Variants in USP3 observed in about 807,000 individuals in gnomAD.
USP3 encodes ubiquitin carboxyl-terminal hydrolase 3.
Under a neutral mutation model 72.3 loss-of-function variants are expected in USP3, and 20 were observed. That is an observed-to-expected ratio of 0.28 (90% confidence interval 0.19 to 0.40). The LOEUF is 0.40. USP3 is among the 10% of genes least tolerant of loss of function. The pLI, the probability that USP3 is intolerant of heterozygous loss-of-function variation, is 1.00. For missense variants in USP3, 479 were observed against 633.9 expected (o/e 0.76, Z 2.62); for synonymous variants, 222 against 225.3 (o/e 0.99, Z 0.13).
chr15:63,538,549 C>T (rs374345739), intron 3 of USP3, among the ~76,000 whole-genome samples: 104 of 137,170 alleles, frequency 7.6e-4, no homozygotes, highest in African/African-American at 2.7e-3. Context: ...AGGTCTTTTA[C>T]TTTTTTTTTT....
At chr15:63,586,647 T>C (rs1207427870) in intron 11 of USP3, 1 of 152,256 alleles carries the variant, frequency 6.6e-6, no homozygotes, top group Admixed American at 6.5e-5. Flanking sequence ...AGCATCACTC[T>C]ATTTGCAAGT....
At chr15:63,579,849 T>C (rs539191085) in intron 11 of USP3, among the ~76,000 whole-genome samples, 6 of 152,298 alleles carry the variant, frequency 3.9e-5, no homozygotes, top group Non-Finnish European at 8.8e-5. Flanking sequence ...TCCTCACTTA[T>C]ATTCAAGAAA....
At position 63,553,507 on chromosome 15, in the gene USP3, A is replaced by C. The variant is rs1445605531; in HGVS notation, c.285-208A>C. ...GCTTTTGAGTAAAAAACGTGAAAAG[A>C]AGCTCATGTTCATTGCCTACGTGGC... On this transcript the variant is annotated intron_variant, in intron 3 of 14. Transcript: ENST00000380324. The surrounding 1 kb of genome is among the most constrained non-coding windows in gnomAD (Gnocchi z 4.2). 1 of 393,880 alleles carries C rather than the reference A, an allele frequency of 2.5e-6. No homozygotes were observed. Among genetic ancestry groups the C allele is most frequent in the African/African-American group, 2.1e-5 (1 of 48,132 alleles). The allele number at this position is 393,880 out of a possible 1,614,324, so 24.4% of individuals were successfully genotyped here.
At chr15:63,564,532 CA>C (rs1234965940) in intron 8 of USP3, among the ~76,000 whole-genome samples, 1 of 152,194 alleles carries the variant, frequency 6.6e-6, no homozygotes, top group African/African-American at 2.4e-5. Flanking sequence ...ATATTTTATA[CA>C]GTAGAAATCT....
chr15:63,509,976 TG>T (rs970859751), intron 1 of USP3, among the ~76,000 whole-genome samples: 1 of 152,184 alleles, frequency 6.6e-6, no homozygotes, highest in African/African-American at 2.4e-5. Context: ...ATGATGGAGT[TG>T]GGGGAAGAAT....
At chr15:63,561,395 G>A (rs754442645) in intron 7 of USP3, among the ~76,000 whole-genome samples, 1 of 152,148 alleles carries the variant, frequency 6.6e-6, no homozygotes, top group Admixed American at 6.5e-5. Flanking sequence ...TCTGGAGTCC[G>A]AGGCAGCAGC....
intron 11 of USP3, among the ~76,000 whole-genome samples, chr15:63,581,754 G>C (rs2066968054): frequency 6.6e-6 from 1 of 151,438 alleles, no homozygotes; most frequent in East Asian, 1.9e-4. Context: ...GAGTGCAGTG[G>C]TGGGATCATG....
At chr15:63,549,893 C>A (rs549826488) in intron 3 of USP3, among the ~76,000 whole-genome samples, 1 of 152,168 alleles carries the variant, frequency 6.6e-6, no homozygotes, top group Non-Finnish European at 1.5e-5. Flanking sequence ...AAAACTCTTC[C>A]TTGACTCAAG....
At chr15:63,522,081 G>T (rs1281533858) in intron 1 of USP3, among the ~76,000 whole-genome samples, 2 of 152,138 alleles carry the variant, frequency 1.3e-5, no homozygotes, top group East Asian at 3.9e-4. Context: ...TCACTATATT[G>T]CCCAGGCTGA....
At chr15:63,515,026 T>C (rs2065833027) in intron 1 of USP3, among the ~76,000 whole-genome samples, 1 of 152,208 alleles carries the variant, frequency 6.6e-6, no homozygotes, top group Non-Finnish European at 1.5e-5. Flanking sequence ...CAATTTGAGC[T>C]CCTAATAATT....
chr15:63,547,232 G>C (rs2152666726), intron 3 of USP3, among the ~76,000 whole-genome samples: 1 of 152,192 alleles, frequency 6.6e-6, no homozygotes, highest in South Asian at 2.1e-4. Flanking sequence ...AAGAATAGCG[G>C]TAACAACAAT....
intron 3 of USP3, among the ~76,000 whole-genome samples, chr15:63,541,437 A>G (rs529828185): frequency 6.6e-6 from 1 of 152,178 alleles, no homozygotes; most frequent in African/African-American, 2.4e-5. Context: ...GCAAATTTTC[A>G]ATGTAAAAAA....
chr15:63,544,826 G>A lies in USP3; in HGVS notation c.284+7670G>A, dbSNP rs2066296961. The A allele has an allele frequency of 3.0e-6, 2 of 677,242 alleles. No individual in the cohort carries two copies. Among genetic ancestry groups the A allele is most frequent in the Non-Finnish European group, 5.3e-6 (2 of 373,878 alleles). The allele number at this position is 677,242 out of a possible 1,614,324, so 42.0% of individuals were successfully genotyped here. A position where few individuals can be genotyped will look rare whatever the true frequency, so the allele number is the denominator to read the frequency against. On this transcript the variant is annotated intron_variant, in intron 3 of 14. Coordinates refer to ENST00000380324, the MANE Select transcript of USP3 (RefSeq NM_006537.4). This position sits in a 1 kb window ranked among gnomAD's most constrained non-coding sequence, Gnocchi z 4.2. ...GAAGATTGGGAGGGAAGGGGTAGGA[G>A]ATAAGAATATCTAAGCAAGGCTGAC...
intron 11 of USP3, among the ~76,000 whole-genome samples, chr15:63,587,011 C>T (rs145054161): frequency 3.5e-4 from 53 of 152,250 alleles, no homozygotes; most frequent in African/African-American, 1.3e-3. Flanking sequence ...CTGCTACTGT[C>T]GCGGACACAA....
intron 1 of USP3, among the ~76,000 whole-genome samples, chr15:63,532,326 A>G (rs1329026158): frequency 6.6e-6 from 1 of 152,252 alleles, no homozygotes; most frequent in African/African-American, 2.4e-5. Flanking sequence ...ATAGGAAAAT[A>G]GACTGTCGTT....
intron 1 of USP3, among the ~76,000 whole-genome samples, chr15:63,515,098 A>G (rs966020493): frequency 1.3e-5 from 2 of 152,186 alleles, no homozygotes; most frequent in Admixed American, 6.5e-5. Context: ...ACTCTGATTT[A>G]GTAATCTCCT....
intron 6 of USP3, among the ~76,000 whole-genome samples, chr15:63,559,456 C>G (rs967240742): frequency 3.9e-5 from 6 of 152,162 alleles, no homozygotes; most frequent in Non-Finnish European, 8.8e-5. Context: ...ACTGAATTCT[C>G]CTTAGGATTC....
At position 63,570,283 on chromosome 15, in the gene USP3, G is replaced by T. The variant is rs888946770; in HGVS notation, c.762-150G>T. On this transcript the variant is annotated intron_variant, in intron 8 of 14. Transcript: ENST00000380324. This position sits in a 1 kb window ranked among gnomAD's most constrained non-coding sequence, Gnocchi z 4.4. ...TTCTTGAAGAGAAATTCTGTCACCT[G>T]TGGAGCTTTCGGGCATGAAGGTGAG... The T allele has an allele frequency of 5.7e-5, 58 of 1,023,306 alleles. No homozygotes were observed. The highest frequency in any genetic ancestry group is 7.0e-6 in the Non-Finnish European group (5 of 715,614). The allele number at this position is 1,023,306 out of a possible 1,614,324, so 63.4% of individuals were successfully genotyped here.
chr15:63,543,650 T>G (rs1436462677), intron 3 of USP3, among the ~76,000 whole-genome samples: 1 of 152,220 alleles, frequency 6.6e-6, no homozygotes, highest in Non-Finnish European at 1.5e-5. Flanking sequence ...TGTAGCCACA[T>G]GGACACATGT....
Sources: gnomAD v4.1 joint callset for allele counts (sites outside exome capture counted in the v4.1 genomes callset) on GRCh38, gnomAD v4.1.1 for gene constraint, Gnocchi (gnomAD v3.1) non-coding constraint, MANE v1.5 for transcripts, NCBI Gene and HGNC (gene_info 2026-07-23, HGNC 2026-07-21) for gene names.